Variants in GREM2 observed in about 807,000 individuals in gnomAD.
The protein encoded by GREM2 is gremlin 2, DAN family BMP antagonist.
Under a neutral mutation model 14.2 loss-of-function variants are expected in GREM2, and 11 were observed. That is an observed-to-expected ratio of 0.78 (90% CI 0.49 to 1.28). The LOEUF (loss-of-function observed/expected upper bound fraction) is 1.28, where lower values mean the gene tolerates loss of function less well. Ranked by LOEUF, GREM2 falls within the 50% of genes most tolerant of loss-of-function variation. The pLI, the probability that GREM2 is intolerant of heterozygous loss-of-function variation, is 0.00. For synonymous variants in GREM2, 98 were observed against 97.6 expected (o/e 1.00, Z -0.02); for missense variants, 210 against 218.5 (o/e 0.96, Z 0.24).
rs188121977 is a variant in GREM2 at position 240,597,064 on chromosome 1, C to T, written c.-2+14820G>A. ...CCAGAAACGGAGTATTACTACTCTA[C>T]TGTGGCGCATTCCCTTCCTAGGATC... On this transcript the variant is annotated intron_variant, in intron 1 of 1. Coordinates refer to ENST00000318160, the MANE Select transcript of GREM2 (RefSeq NM_022469.4). Among the ~76,000 whole-genome samples the T allele has an allele frequency of 1.1e-3, 165 of 152,340 alleles. 1 individual carries two copies. Among genetic ancestry groups the T allele is most frequent in the Admixed American group, 8.0e-3 (122 of 15,296 alleles).
chr1:240,588,098 G>A (rs1019267835), intron 1 of GREM2, among the ~76,000 whole-genome samples: 2 of 152,160 alleles, frequency 1.3e-5, no homozygotes, highest in Admixed American at 6.5e-5. Context: ...AATGGCAGAT[G>A]TGGAGTACAA....
intron 1 of GREM2, among the ~76,000 whole-genome samples, chr1:240,521,997 G>A (rs1261889414): frequency 6.6e-6 from 1 of 151,256 alleles, no homozygotes. Flanking sequence ...GCACACACCT[G>A]TAGTCCCAGC....
chr1:240,596,318 G>A (rs780303596), intron 1 of GREM2, among the ~76,000 whole-genome samples: 3 of 152,152 alleles, frequency 2.0e-5, no homozygotes, highest in Admixed American at 6.6e-5. Context: ...AAGGAAATGC[G>A]AAACTATAGA....
chr1:240,509,529 C>G (rs1213424644), intron 1 of GREM2, among the ~76,000 whole-genome samples: 4 of 152,012 alleles, frequency 2.6e-5, no homozygotes, highest in Non-Finnish European at 4.4e-5. Flanking sequence ...CCAACAAGCC[C>G]AGCTAATGTT....
At chr1:240,526,679 G>A (rs746548788) in intron 1 of GREM2, among the ~76,000 whole-genome samples, 2 of 152,148 alleles carry the variant, frequency 1.3e-5, no homozygotes, top group African/African-American at 4.8e-5. Context: ...CCGTGCTTAC[G>A]TGGACGTGTC....
intron 1 of GREM2, among the ~76,000 whole-genome samples, chr1:240,519,435 C>A (rs1678026988): frequency 6.6e-6 from 1 of 151,660 alleles, no homozygotes. Flanking sequence ...CCTTTATAAC[C>A]ACCGTTTTCC....
chr1:240,502,728 A>G (rs1677597917), intron 1 of GREM2, among the ~76,000 whole-genome samples: 1 of 152,222 alleles, frequency 6.6e-6, no homozygotes, highest in South Asian at 2.1e-4. Flanking sequence ...TTGAATTTGA[A>G]CAGACTCTGT....
At chr1:240,510,150 A>T (rs1188882370) in intron 1 of GREM2, among the ~76,000 whole-genome samples, 1 of 152,022 alleles carries the variant, frequency 6.6e-6, no homozygotes, top group Admixed American at 6.6e-5. Flanking sequence ...CGGGCGGATC[A>T]CGAGGTCAGG....
Position 240,492,889 on chromosome 1 carries a change from C to G in GREM2, c.*80G>C. ...ACACCAGGCAGCGTGACAGTGGGCT[C>G]GGAGGGCAGGGACAGAGGCGGCGGC... On this transcript the variant is annotated 3_prime_UTR_variant, in exon 2 of 2. Transcript: ENST00000318160. 7.8e-7 allele frequency: 1 copy of G among 1,285,906 alleles called. No individual in the cohort carries two copies. Among genetic ancestry groups the G allele is most frequent in the Non-Finnish European group, 9.9e-7 (1 of 1,008,750 alleles). The allele number at this position is 1,285,906 out of a possible 1,614,324, so 79.7% of individuals were successfully genotyped here.
chr1:240,545,036 A>G (rs990077801), intron 1 of GREM2, among the ~76,000 whole-genome samples: 2 of 152,234 alleles, frequency 1.3e-5, no homozygotes, highest in Non-Finnish European at 2.9e-5. Flanking sequence ...TGGGCTCCTC[A>G]AAATGATAAG....
chr1:240,586,071 CCTTT>C (rs1161798966), intron 1 of GREM2, among the ~76,000 whole-genome samples: 1 of 151,244 alleles, frequency 6.6e-6, no homozygotes, highest in Non-Finnish European at 1.5e-5. Flanking sequence ...GCAGAAAAGC[CCTTT>C]CTGTGACTTA....
intron 1 of GREM2, among the ~76,000 whole-genome samples, chr1:240,607,542 G>A (rs1244061775): frequency 6.6e-6 from 1 of 152,158 alleles, no homozygotes; most frequent in Non-Finnish European, 1.5e-5. Flanking sequence ...TTTCTGCATT[G>A]CTCCAAGTTT....
At position 240,540,047 on chromosome 1, in the gene GREM2, T is replaced by TA. The variant is rs1678551637; in HGVS notation, c.-1-46572dup. On this transcript the variant is annotated intron_variant, in intron 1 of 1. Coordinates refer to ENST00000318160, the MANE Select transcript of GREM2 (RefSeq NM_022469.4). The surrounding 1 kb of genome is among the most constrained non-coding windows in gnomAD (Gnocchi z 4.2). ...TGCTATGTGCTGAGATTTTCTGTCT[T>TA]ATGACATTAGCTTGGCATAGCTGAC... 6.6e-6 allele frequency among the ~76,000 whole-genome samples: 1 copy of TA among 152,224 alleles called. No homozygotes were observed. Among genetic ancestry groups the TA allele is most frequent in the Non-Finnish European group, 1.5e-5 (1 of 68,038 alleles).
intron 1 of GREM2, among the ~76,000 whole-genome samples, chr1:240,538,242 G>A (rs1474142995): frequency 2.0e-5 from 3 of 152,200 alleles, no homozygotes; most frequent in Non-Finnish European, 4.4e-5. Flanking sequence ...TGGTGGCTTT[G>A]TCTTGACTCA....
intron 1 of GREM2, among the ~76,000 whole-genome samples, chr1:240,562,887 TG>T (rs1679080398): frequency 6.6e-6 from 1 of 150,658 alleles, no homozygotes; most frequent in Non-Finnish European, 1.5e-5. Context: ...TATGTGTGTA[TG>T]AGTGTGTATG....
intron 1 of GREM2, among the ~76,000 whole-genome samples, chr1:240,567,228 T>A (rs1041814729): frequency 2.0e-5 from 3 of 152,118 alleles, no homozygotes; most frequent in Non-Finnish European, 4.4e-5. Context: ...GTCTAATATA[T>A]GTATAACTGA....
At chr1:240,538,780 C>G (rs1277532898) in intron 1 of GREM2, among the ~76,000 whole-genome samples, 1 of 152,096 alleles carries the variant, frequency 6.6e-6, no homozygotes, top group African/African-American at 2.4e-5. Flanking sequence ...ACTGTATGTA[C>G]TCGACTAATA....
chr1:240,560,453 C>T (rs143295496), intron 1 of GREM2, among the ~76,000 whole-genome samples: 4 of 152,192 alleles, frequency 2.6e-5, no homozygotes, highest in African/African-American at 9.6e-5. Context: ...TGGATTGATT[C>T]TCACTTTTTG....
At chr1:240,562,775 GTA>G (rs756428945) in intron 1 of GREM2, among the ~76,000 whole-genome samples, 2 of 151,740 alleles carry the variant, frequency 1.3e-5, no homozygotes, top group East Asian at 1.9e-4. Context: ...ATATGTGTGT[GTA>G]TGAGTGTGTA....
Sources: gnomAD v4.1 joint callset for allele counts (sites outside exome capture counted in the v4.1 genomes callset) on GRCh38, gnomAD v4.1.1 for gene constraint, Gnocchi (gnomAD v3.1) non-coding constraint, MANE v1.5 for transcripts, NCBI Gene and HGNC (gene_info 2026-07-23, HGNC 2026-07-21) for gene names.